Variants in TMEM131 observed in about 807,000 individuals in gnomAD.
The protein encoded by TMEM131 is 2610524E03Rik.
TMEM131 carries 66 observed loss-of-function variants against 211.6 expected under a neutral mutation model. The ratio of observed to expected loss-of-function variants is 0.31; its 90% CI spans 0.26 to 0.38. The LOEUF is 0.38. Among genes scored for constraint, TMEM131 ranks in the 10% least tolerant of loss-of-function variants. The pLI, the probability that TMEM131 is intolerant of heterozygous loss-of-function variation, is 1.00. For synonymous variants in TMEM131, 844 were observed against 841.3 expected, an observed-to-expected ratio of 1.00 and a Z score of -0.06; for missense variants, 2,036 against 2,299.3, an observed-to-expected ratio of 0.89 and a Z score of 2.34.
intron 1 of TMEM131, among the ~76,000 whole-genome samples, chr2:97,989,326 C>T (rs1467010979): frequency 6.7e-6 from 1 of 148,864 alleles, no homozygotes; most frequent in Non-Finnish European, 1.5e-5. Context: ...CATGGATTAA[C>T]CTTACAGATA....
intron 1 of TMEM131, among the ~76,000 whole-genome samples, chr2:97,948,639 A>G (rs1325097458): frequency 6.6e-6 from 1 of 150,714 alleles, no homozygotes; most frequent in Non-Finnish European, 1.5e-5. Context: ...TTTGGATAAC[A>G]TGTCAGTAGT....
At chr2:97,967,022 A>G (rs999784033) in intron 1 of TMEM131, among the ~76,000 whole-genome samples, 1 of 130,182 alleles carries the variant, frequency 7.7e-6, no homozygotes, top group Admixed American at 7.4e-5. Flanking sequence ...CCACCACCTA[A>G]AACAAACAAA....
At chr2:97,918,711 T>C (rs938601800) in intron 2 of TMEM131, among the ~76,000 whole-genome samples, 1 of 152,142 alleles carries the variant, frequency 6.6e-6, no homozygotes, top group Non-Finnish European at 1.5e-5. Flanking sequence ...GATCCTGTTT[T>C]GGACAAACCA....
chr2:97,961,823 T>C (rs1455532855), intron 1 of TMEM131, among the ~76,000 whole-genome samples: 2 of 152,246 alleles, frequency 1.3e-5, no homozygotes, highest in Non-Finnish European at 1.5e-5. Context: ...CAGCTGAATA[T>C]GCAAATGCAC....
intron 29 of TMEM131, 70 bp downstream of exon 29, chr2:97,794,860 C>T: frequency 7.6e-7 from 1 of 1,318,222 alleles, no homozygotes; most frequent in Non-Finnish European, 1.0e-6. Context: ...CAGTGGCTGG[C>T]ACACAGTGGG....
At position 97,858,428 on chromosome 2, in the gene TMEM131, T is replaced by C. The variant is rs181077492; in HGVS notation, c.483+876A>G. Among the ~76,000 whole-genome samples the C allele has an allele frequency of 2.7e-4, 41 of 152,310 alleles. No homozygotes were observed. The East Asian group carries it at 6.4e-3, about 24-fold the overall frequency. ...TGAGTTTACATACTTCCTATGAAAATTACAAATAAAATTTTAGAGGATATT... is the reference window on the plus strand; with the variant it reads ...TGAGTTTACATACTTCCTATGAAAACTACAAATAAAATTTTAGAGGATATT... On this transcript the variant is annotated intron_variant, in intron 5 of 40. Transcript: ENST00000186436.
chr2:97,778,337 G>C (rs1679831206), intron 31 of TMEM131, among the ~76,000 whole-genome samples: 1 of 152,168 alleles, frequency 6.6e-6, no homozygotes, highest in Non-Finnish European at 1.5e-5. Context: ...GATCACTTGA[G>C]GTCAGGAGTT....
chr2:97,899,034 G>A (rs1675737180), intron 3 of TMEM131, among the ~76,000 whole-genome samples: 1 of 151,918 alleles, frequency 6.6e-6, no homozygotes, highest in Admixed American at 6.6e-5. Flanking sequence ...GATGAATGTT[G>A]AAATCTTCCC....
chr2:97,835,765 T>C (rs1402845201), intron 8 of TMEM131, among the ~76,000 whole-genome samples: 2 of 152,172 alleles, frequency 1.3e-5, no homozygotes, highest in Non-Finnish European at 2.9e-5. Flanking sequence ...GGGAGTTGAC[T>C]TGGTCTCTGG....
At chr2:97,793,116 G>C in intron 30 of TMEM131, 132 bp from the exon 31 acceptor site, 1 of 711,254 alleles carries the variant, frequency 1.4e-6, no homozygotes, top group South Asian at 2.1e-5. Context: ...AAGAAATAGG[G>C]AAATTTCTAC....
intron 3 of TMEM131, among the ~76,000 whole-genome samples, chr2:97,896,501 CT>C (rs1675617223): frequency 6.6e-6 from 1 of 152,124 alleles, no homozygotes; most frequent in African/African-American, 2.4e-5. Flanking sequence ...GTTTAAGTCT[CT>C]TTGTAGGTCT....
intron 18 of TMEM131, among the ~76,000 whole-genome samples, chr2:97,810,295 G>A (rs1681493742): frequency 6.6e-6 from 1 of 151,850 alleles, no homozygotes; most frequent in Non-Finnish European, 1.5e-5. Context: ...CTTCTCTAGG[G>A]TATTTTTCTT....
intron 2 of TMEM131, among the ~76,000 whole-genome samples, chr2:97,913,542 C>T (rs1407478972): frequency 6.6e-6 from 1 of 152,168 alleles, no homozygotes; most frequent in Non-Finnish European, 1.5e-5. Context: ...ATACAATAAC[C>T]TATCCTTGAC....
intron 1 of TMEM131, among the ~76,000 whole-genome samples, chr2:97,961,659 T>C (rs1678822519): frequency 6.6e-6 from 1 of 152,150 alleles, no homozygotes; most frequent in African/African-American, 2.4e-5. Flanking sequence ...GTAACCAAGC[T>C]AATACAGAAC....
At chr2:97,881,153 C>T (rs1299666207) in intron 4 of TMEM131, among the ~76,000 whole-genome samples, 2 of 152,160 alleles carry the variant, frequency 1.3e-5, no homozygotes, top group East Asian at 3.8e-4. Context: ...TAGAACCCCT[C>T]ACTGATTGCA....
intron 2 of TMEM131, among the ~76,000 whole-genome samples, chr2:97,927,189 C>G (rs138588780): frequency 6.6e-6 from 1 of 152,062 alleles, no homozygotes; most frequent in African/African-American, 2.4e-5. Context: ...TGATAATGTA[C>G]TTATTTACAA....
At chr2:97,943,012 AAAAGAAAAGAAAAGAAAAGAAAAGAAAAG>A (rs1447098501) in intron 1 of TMEM131, among the ~76,000 whole-genome samples, 4,521 of 69,124 alleles carry the variant, frequency 0.065, 198 homozygotes, top group Middle Eastern at 0.078. Context: ...GAAAAGAAAG[AAAAGAAAAGAAAAGAAAAGAAAAGAAAAG>A]AAAGAAAGAA....
At chr2:97,942,976 GAAAGA>G (rs1553617749) in intron 1 of TMEM131, among the ~76,000 whole-genome samples, 1 of 99,260 alleles carries the variant, frequency 1.0e-5, no homozygotes, top group African/African-American at 4.1e-5. Flanking sequence ...AAGAAAGAAA[GAAAGA>G]AAGAAAAGAA....
intron 5 of TMEM131, among the ~76,000 whole-genome samples, chr2:97,858,963 A>G (rs979892602): frequency 6.6e-6 from 1 of 152,216 alleles, no homozygotes; most frequent in Admixed American, 6.5e-5. Context: ...GGCTGTTGCC[A>G]CAAGTCTCAA....
Sources: gnomAD v4.1 joint callset for allele counts (sites outside exome capture counted in the v4.1 genomes callset) on GRCh38, gnomAD v4.1.1 for gene constraint, MANE v1.5 for transcripts, NCBI Gene and HGNC (gene_info 2026-07-23, HGNC 2026-07-21) for gene names.